Variants in ZNF607 observed in about 807,000 individuals in gnomAD.
The protein encoded by ZNF607 is zinc finger protein 607.
A neutral mutation model predicts 12.8 loss-of-function variants in ZNF607; 5 were observed. That is an observed-to-expected ratio of 0.39 (90% confidence interval 0.20 to 0.82). ZNF607 has a LOEUF of 0.82. ZNF607 is among the 40% of genes least tolerant of loss of function. The probability of loss-of-function intolerance (pLI) is 0.39; values close to 1 mark genes in which losing one functional copy is unlikely to be tolerated. For missense variants in ZNF607, 851 were observed against 859.2 expected, an observed-to-expected ratio of 0.99 and a Z score of 0.12; for synonymous variants, 287 against 276.2, an observed-to-expected ratio of 1.04 and a Z score of -0.39.
intron 1 of ZNF607, among the ~76,000 whole-genome samples, chr19:37,715,560 A>G (rs1974714): frequency 0.75 from 112,919 of 151,056 alleles, 42,881 homozygotes; most frequent in Middle Eastern, 0.83. Context: ...AGCTGAGATC[A>G]TGCCATTGCA....
rs1412550464 is a variant in ZNF607 at position 37,696,939 on chromosome 19, A to C, written c.*1101T>G. ...GAGCCCAAAGGTGGCTGCTCACTCC[A>C]TAAGGTTGTTGCTCACCTGGCTGGA... On this transcript the variant is annotated 3_prime_UTR_variant, in exon 5 of 5. Transcript: ENST00000355202. The C allele has an allele frequency of 1.5e-6, 1 of 681,246 alleles. No individual in the cohort carries two copies. Among genetic ancestry groups the C allele is most frequent in the African/African-American group, 1.8e-5 (1 of 56,790 alleles). 42.2% of individuals were successfully genotyped at this position (681,246 alleles called of 1,614,324 possible).
chr19:37,696,737 C>T lies in ZNF607; in HGVS notation c.*1303G>A, dbSNP rs529644441. On this transcript the variant is annotated 3_prime_UTR_variant, in exon 5 of 5. Transcript: ENST00000355202. ...TCCAGCTTGCACAGCTCGCTCTGGC[C>T]GTCCCCTGCAGTGGCCAGTGAGTTG... is the stretch of plus-strand genomic sequence containing the variant. 2.1e-5 allele frequency: 22 copies of T among 1,042,944 alleles called. No homozygotes were observed. The highest frequency in any genetic ancestry group is 3.0e-5 in the Non-Finnish European group (20 of 674,008). The allele number at this position is 1,042,944 out of a possible 1,614,324, so 64.6% of individuals were successfully genotyped here.
In ZNF607 at chr19:37,703,270, A is replaced by T. The variant is rs1166242930; in HGVS notation, c.236-3375T>A. Among the ~76,000 whole-genome samples, 3 of 146,566 alleles carry T rather than the reference A, an allele frequency of 2.0e-5. No individual in the cohort carries two copies. The East Asian group carries it at 5.9e-4, about 29-fold the overall frequency. On this transcript the variant is annotated intron_variant, in intron 4 of 4. Transcript: ENST00000355202. ...CACCAACAGGTAAATTTAAATAAAT[A>T]GCAAAAAAAAAAAAAATTGAAATAA... is the stretch of plus-strand genomic sequence containing the variant.
rs753698330 is a variant in ZNF607, at chr19:37,698,389, C to T, written c.1742G>A (p.Arg581Gln). The T allele has an allele frequency of 1.7e-5, 27 of 1,613,898 alleles. No individual in the cohort carries two copies. The highest frequency in any genetic ancestry group is 1.5e-4 in the South Asian group (14 of 91,068). The stretch of plus-strand genomic sequence containing the variant: ...ATAGGACTTTTCACCAGCATGAGTT[C>T]GGTCATGATATATGAGGCTTGTGGC... Reference protein sequence around the residue: ...RHATSLIYHDRTHAGEKSYEC... With the variant: ...RHATSLIYHDQTHAGEKSYEC... The change falls in exon 5 of 5, where the codon CGA (arginine) becomes CAA (glutamine). Residue 581 changes from arginine (R) to glutamine (Q), a missense_variant. Physicochemically the swap from Arg to Gln is conservative, Grantham distance 43. Coordinates refer to ENST00000355202, the MANE Select transcript of ZNF607 (RefSeq NM_032689.5).
At chr19:37,703,990 C>T (rs2045060397) in intron 4 of ZNF607, among the ~76,000 whole-genome samples, 2 of 152,010 alleles carry the variant, frequency 1.3e-5, no homozygotes, top group African/African-American at 4.8e-5. Context: ...CAAAAATTAG[C>T]TGGGTGTGGT....
Position 37,699,558 on chromosome 19 carries a change from A to T in ZNF607, c.573T>A (p.Val191=). The T allele has an allele frequency of 6.2e-7, 1 of 1,614,028 alleles. No homozygotes were observed. The highest frequency in any genetic ancestry group is 2.2e-5 in the East Asian group (1 of 44,880). The change falls in exon 5 of 5, where the codon GTT becomes GTA. Residue 191 remains valine (V), a synonymous_variant. Coordinates refer to ENST00000355202, the MANE Select transcript of ZNF607 (RefSeq NM_032689.5). ...YPANLAQHGK[V]HVEKPYECKE... is the part of the protein sequence containing the mutation. ...TACATTCATAGGGTTTCTCAACATG[A>T]ACTTTCCCATGTTGAGCAAGGTTTG...
intron 2 of ZNF607, among the ~76,000 whole-genome samples, chr19:37,710,477 A>AAAAAAAAAAAAAAAG (rs1555735219): frequency 1.4e-5 from 2 of 142,398 alleles, no homozygotes; most frequent in Non-Finnish European, 3.0e-5. Flanking sequence ...AAAAAAAAAA[A>AAAAAAAAAAAAAAAG]AAAAGAAAAG....
At position 37,698,872 on chromosome 19, in the gene ZNF607, G is replaced by C. The variant is rs766904694; in HGVS notation, c.1259C>G (p.Pro420Arg). The C allele has an allele frequency of 3.7e-6, 6 of 1,614,038 alleles. No individual in the cohort carries two copies. The Admixed American group carries it at 1.0e-4, about 27-fold the overall frequency. Reference sequence around the variant, plus strand: ...CTTCCCACATTCCTTACATTTGTAGGGTTTCTCACCGGTATGAATATTTTG... The same window carrying C: ...CTTCCCACATTCCTTACATTTGTAGCGTTTCTCACCGGTATGAATATTTTG... Reference protein sequence around the residue: ...IHQNIHTGEKPYKCKECGKAF... With the variant: ...IHQNIHTGEKRYKCKECGKAF... Residue 420 changes from proline (P) to arginine (R), a missense_variant, in exon 5 of 5, where the codon CCC becomes CGC. Physicochemically the swap from Pro to Arg is moderately radical, Grantham distance 103. Transcript: ENST00000355202.
chr19:37,708,203 T>A (rs1420166507), intron 3 of ZNF607, among the ~76,000 whole-genome samples, 191 bp from the exon 4 acceptor site: 1 of 151,848 alleles, frequency 6.6e-6, no homozygotes, highest in Admixed American at 6.6e-5. Context: ...AAAAATTTTT[T>A]TTTTTTTTTT....
intron 3 of ZNF607, among the ~76,000 whole-genome samples, chr19:37,709,032 G>A (rs1480209441): frequency 6.6e-6 from 1 of 151,944 alleles, no homozygotes; most frequent in Non-Finnish European, 1.5e-5. Flanking sequence ...ATGTTGGTGT[G>A]GAAATCACAA....
At chr19:37,708,108 T>C (rs1446982522) in intron 3 of ZNF607, 96 bp from the exon 4 acceptor site, 2 of 848,804 alleles carry the variant, frequency 2.4e-6, no homozygotes, top group South Asian at 2.0e-5. Context: ...AAAGTGATAC[T>C]GAGTAAGATT....
At chr19:37,714,409 A>T (rs1352476508) in intron 1 of ZNF607, among the ~76,000 whole-genome samples, 4 of 151,528 alleles carry the variant, frequency 2.6e-5, no homozygotes, top group Non-Finnish European at 5.9e-5. Flanking sequence ...AATAATTTTA[A>T]AAAAAATTAG....
chr19:37,711,534 G>A, intron 2 of ZNF607, 76 bp downstream of exon 2: 2 of 1,505,616 alleles, frequency 1.3e-6, no homozygotes, highest in South Asian at 1.1e-5. Flanking sequence ...GGTAACTTCA[G>A]GAAAAATGAT....
chr19:37,717,425 T>A (rs1482081634), intron 1 of ZNF607, among the ~76,000 whole-genome samples: 1 of 151,954 alleles, frequency 6.6e-6, no homozygotes, highest in African/African-American at 2.4e-5. Context: ...GACCTCATGA[T>A]CTGCCCGCCT....
intron 3 of ZNF607, among the ~76,000 whole-genome samples, chr19:37,708,900 G>A (rs1296802202): frequency 2.7e-5 from 4 of 150,914 alleles, no homozygotes; most frequent in African/African-American, 9.7e-5. Context: ...CCTTCCAGCT[G>A]TGTGTGACCT....
In ZNF607 at chr19:37,699,377, G is replaced by A; in HGVS notation, c.754C>T (p.Pro252Ser). 2 of 1,614,050 alleles carry A rather than the reference G, an allele frequency of 1.2e-6. No homozygotes were observed. The highest frequency in any genetic ancestry group is 1.7e-6 in the Non-Finnish European group (2 of 1,179,994). ...RHQSIHTGEKPFECNKCGKSF... is the reference protein window; with the variant it reads ...RHQSIHTGEKSFECNKCGKSF... ...TTCCCACATTTGTTACATTCAAAGG[G>A]CTTCTCACCAGTGTGAATACTCTGA... is the stretch of plus-strand genomic sequence containing the variant. Residue 252 changes from proline to serine, a missense_variant, in exon 5 of 5, where the codon CCC becomes TCC. Coordinates refer to ENST00000355202, the MANE Select transcript of ZNF607 (RefSeq NM_032689.5).
At position 37,698,249 on chromosome 19, in the gene ZNF607, A is replaced by G. The variant is rs149055339; in HGVS notation, c.1882T>C (p.Cys628Arg). 2 of 1,614,210 alleles carry G rather than the reference A, an allele frequency of 1.2e-6. No homozygotes were observed. Among genetic ancestry groups the G allele is most frequent in the African/African-American group, 1.3e-5 (1 of 75,066 alleles). The change falls in exon 5 of 5, where the codon TGT becomes CGT. Residue 628 changes from cysteine (C) to arginine (R), a missense_variant. By Grantham distance (180) the Cys-to-Arg change is radical. Transcript: ENST00000355202. ...ECKRCGKAFH[C>R]ASYLVRHESV... is the part of the protein sequence containing the mutation. ...TCATGTCTAACAAGATATGAGGCACAGTGAAATGCCTTCCCACATCTTTTA... is the reference window on the plus strand; with the variant it reads ...TCATGTCTAACAAGATATGAGGCACGGTGAAATGCCTTCCCACATCTTTTA...
intron 1 of ZNF607, among the ~76,000 whole-genome samples, chr19:37,716,634 A>C (rs1306796331): frequency 1.3e-5 from 2 of 152,220 alleles, no homozygotes; most frequent in Non-Finnish European, 2.9e-5. Context: ...TCACACATGA[A>C]AACTGAAAAC....
At chr19:37,718,071 T>C (rs893839440) in intron 1 of ZNF607, among the ~76,000 whole-genome samples, 8 of 152,140 alleles carry the variant, frequency 5.3e-5, no homozygotes, top group African/African-American at 1.9e-4. Context: ...TGATTCCAGA[T>C]CTAAAACCTG....
Sources: allele counts gnomAD v4.1 joint callset (sites outside exome capture counted in the v4.1 genomes callset), GRCh38; gene constraint gnomAD v4.1.1; transcripts MANE v1.5; gene names NCBI Gene and HGNC (gene_info 2026-07-23, HGNC 2026-07-21).